Variants in XPO7 observed in about 807,000 individuals in gnomAD.
XPO7 encodes exportin 7.
Under a neutral mutation model 144.3 loss-of-function variants are expected in XPO7, and 21 were observed. That is an observed-to-expected ratio of 0.15 (90% CI 0.10 to 0.21). The LOEUF is 0.21. Among genes scored for constraint, XPO7 ranks in the 10% least tolerant of loss-of-function variants. The probability of loss-of-function intolerance (pLI) is 1.00; values close to 1 mark genes in which losing one functional copy is unlikely to be tolerated. For missense variants in XPO7, 808 were observed against 1,325.8 expected, an observed-to-expected ratio of 0.61 and a Z score of 6.06; for synonymous variants, 580 against 499.6, an observed-to-expected ratio of 1.16 and a Z score of -2.15.
chr8:21,995,514 C>T lies in XPO7; in HGVS notation c.2260C>T (p.Leu754Phe), dbSNP rs1812916779. 1.9e-6 allele frequency: 3 copies of T among 1,609,256 alleles called. No homozygotes were observed. The highest frequency in any genetic ancestry group is 2.5e-6 in the Non-Finnish European group (3 of 1,177,602). The part of the protein sequence containing the change: ...EWIYPSYMPI[L>F]QRAIELWYHD... ...CAGATATCCATCCTATATGCCAATT[C>T]TCCAACGGGCAATTGAGCTCTGGTA... The change falls in exon 21 of 28, where the codon CTC (leucine) becomes TTC (phenylalanine). Residue 754 changes from leucine to phenylalanine, a missense_variant. This residue lies in a region of XPO7 where 416 missense variants were observed against 612.5 expected (regional missense o/e 0.68). Transcript: ENST00000252512.
rs1812227220 is a variant in XPO7 at position 21,976,463 on chromosome 8, C to T, written c.705C>T (p.Ser235=). The change falls in exon 7 of 28, where the codon TCC becomes TCT. Residue 235 remains serine (S), a synonymous_variant. Coordinates refer to ENST00000252512, the MANE Select transcript of XPO7 (RefSeq NM_015024.5). ...TCAACTTTGACTTCATCGGCACTTCCACTGATGAGTCCTCAGACGACCTGT... is the reference window on the plus strand; with the variant it reads ...TCAACTTTGACTTCATCGGCACTTCTACTGATGAGTCCTCAGACGACCTGT... The part of the protein sequence containing the change: ...NCLNFDFIGT[S]TDESSDDLCT... 6.2e-7 allele frequency: 1 copy of T among 1,613,996 alleles called. No homozygotes were observed. Among genetic ancestry groups the T allele is most frequent in the Non-Finnish European group, 8.5e-7 (1 of 1,179,872 alleles).
intron 16 of XPO7, 70 bp downstream of exon 16, chr8:21,989,153 C>T (rs1812676761): frequency 7.2e-7 from 1 of 1,380,412 alleles, no homozygotes; most frequent in Non-Finnish European, 1.0e-6. Flanking sequence ...ATCATGGCCT[C>T]CTGCTCTTTC....
chr8:21,961,181 G>C (rs1244387852), intron 1 of XPO7, among the ~76,000 whole-genome samples: 1 of 151,218 alleles, frequency 6.6e-6, no homozygotes, highest in African/African-American at 2.4e-5. Context: ...GTATCTAGGA[G>C]TGGAATAGCT....
At chr8:21,946,412 A>C (rs181754953) in intron 1 of XPO7, among the ~76,000 whole-genome samples, 36 of 152,074 alleles carry the variant, frequency 2.4e-4, no homozygotes, top group African/African-American at 8.2e-4. Flanking sequence ...ATAGATTAGC[A>C]TATTAGATAG....
intron 19 of XPO7, among the ~76,000 whole-genome samples, chr8:21,993,960 AC>A (rs919344549): frequency 1.3e-4 from 6 of 47,002 alleles, no homozygotes; most frequent in African/African-American, 5.0e-4. Flanking sequence ...TCCGCCCCCC[AC>A]CCTCTCTCCC....
chr8:21,965,695 T>G (rs4636204), intron 1 of XPO7, among the ~76,000 whole-genome samples: 55,673 of 152,046 alleles, frequency 0.37, 10,656 homozygotes, highest in East Asian at 0.44. Context: ...GAGTAAAATA[T>G]GAATCCTGCC....
rs967969576 is a variant in XPO7 at position 21,959,499 on chromosome 8, C to T, written c.19-7358C>T. Reference sequence around the variant, plus strand: ...TTTGTCTGCCACCTAAAATCTTACCCATTACTCTGTACTGAATCAACTCCA... The same window carrying T: ...TTTGTCTGCCACCTAAAATCTTACCTATTACTCTGTACTGAATCAACTCCA... On this transcript the variant is annotated intron_variant, in intron 1 of 27. Transcript: ENST00000252512. 2.6e-5 allele frequency among the ~76,000 whole-genome samples: 4 copies of T among 152,150 alleles called. No individual in the cohort carries two copies. In the East Asian group the frequency reaches 7.7e-4, roughly 29 times the overall value.
chr8:21,994,510 T>A, intron 20 of XPO7, 59 bp downstream of exon 20: 1 of 1,495,328 alleles, frequency 6.7e-7, no homozygotes, highest in Non-Finnish European at 9.2e-7. Flanking sequence ...TGTGATTGGG[T>A]GATAGGGTCC....
chr8:21,967,118 C>T (rs1352291667), intron 2 of XPO7, 115 bp downstream of exon 2: 3 of 1,380,744 alleles, frequency 2.2e-6, no homozygotes, highest in Non-Finnish European at 2.9e-6. Context: ...CTAGGTGTCC[C>T]TGACTTATTT....
At chr8:21,970,998 C>G (rs1812042399) in intron 4 of XPO7, among the ~76,000 whole-genome samples, 1 of 152,142 alleles carries the variant, frequency 6.6e-6, no homozygotes, top group East Asian at 1.9e-4. Context: ...CCTGTAAACT[C>G]CATTCATGGT....
intron 13 of XPO7, 126 bp downstream of exon 13, chr8:21,985,817 G>A (rs1812561035): frequency 5.3e-6 from 4 of 756,712 alleles, no homozygotes; most frequent in Non-Finnish European, 2.2e-6. Context: ...CAGCTTTCAA[G>A]GCTTTTGTAA....
In XPO7 at chr8:22,005,720, A is replaced by G. The variant is rs1813307933; in HGVS notation, c.*632A>G. On this transcript the variant is annotated 3_prime_UTR_variant, in exon 28 of 28. Coordinates refer to ENST00000252512, the MANE Select transcript of XPO7 (RefSeq NM_015024.5). ...AATGATCAATTCCTGTTACTGTATT[A>G]ACCCTTGTTATTAGGAACTCTAAGC... 2 of 152,172 alleles carry G rather than the reference A, an allele frequency of 1.3e-5. No homozygotes were observed. Among genetic ancestry groups the G allele is most frequent in the African/African-American group, 4.8e-5 (2 of 41,428 alleles). The allele number at this position is 152,172 out of a possible 1,614,324, so 9.4% of individuals were successfully genotyped here.
At chr8:21,932,696 T>C (rs1360574091) in intron 1 of XPO7, among the ~76,000 whole-genome samples, 1 of 152,240 alleles carries the variant, frequency 6.6e-6, no homozygotes, top group African/African-American at 2.4e-5. Flanking sequence ...TCTCTTCTTT[T>C]ATTATTTCTA....
chr8:21,930,085 A>G (rs546546665), intron 1 of XPO7, among the ~76,000 whole-genome samples: 6 of 152,386 alleles, frequency 3.9e-5, no homozygotes, highest in East Asian at 1.9e-4. Context: ...AGAGGCACCC[A>G]GAAGGATATG....
chr8:21,993,386 C>A (rs1812831763), intron 19 of XPO7, among the ~76,000 whole-genome samples: 3 of 152,154 alleles, frequency 2.0e-5, no homozygotes, highest in Non-Finnish European at 4.4e-5. Context: ...TAGGAGAGAA[C>A]TGTTTGCTTA....
intron 1 of XPO7, among the ~76,000 whole-genome samples, chr8:21,939,144 A>G (rs1810911457): frequency 6.6e-6 from 1 of 151,976 alleles, no homozygotes; most frequent in Non-Finnish European, 1.5e-5. Context: ...TATTCTTTCT[A>G]AAAAATAGGT....
chr8:21,990,422 CT>C lies in XPO7; in HGVS notation c.1932+22del. The C allele has an allele frequency of 1.9e-6, 3 of 1,613,082 alleles. No individual in the cohort carries two copies. The highest frequency in any genetic ancestry group is 8.5e-7 in the Non-Finnish European group (1 of 1,179,212). Reference sequence around the variant, plus strand: ...ACAATCACACGGTGAGTGATTTTAGCTTTTTTTCCTGGCCCTCCTACCACCC... The same window carrying C: ...ACAATCACACGGTGAGTGATTTTAGCTTTTTTCCTGGCCCTCCTACCACCC... On this transcript the variant is annotated intron_variant, in intron 17 of 27. Transcript: ENST00000252512.
In XPO7 at chr8:21,996,060, G is replaced by A. The variant is rs530720966; in HGVS notation, c.2345+461G>A. Among the ~76,000 whole-genome samples, 7 of 152,186 alleles carry A rather than the reference G, an allele frequency of 4.6e-5. No individual in the cohort carries two copies. In the South Asian group the frequency reaches 1.2e-3, roughly 27 times the overall value. On this transcript the variant is annotated intron_variant, in intron 21 of 27. Transcript: ENST00000252512. The stretch of plus-strand genomic sequence containing the variant: ...TCGATCTCCTGACCTCGTGATCCGC[G>A]TGCCTCGGCCTCCCAAAGTGCTGGG...
Position 21,995,072 on chromosome 8 carries a change from A to G in XPO7, c.2238-420A>G, listed in dbSNP as rs1204661347. ...CCATCTCAAAAAAAAATAAATAATA[A>G]TAATAATAATAATAAACAGCTTTTA... On this transcript the variant is annotated intron_variant, in intron 20 of 27. Transcript: ENST00000252512. 2.6e-5 allele frequency among the ~76,000 whole-genome samples: 4 copies of G among 151,676 alleles called. No homozygotes were observed. The East Asian group carries it at 5.8e-4, about 22-fold the overall frequency.
Sources: gnomAD v4.1 joint callset for allele counts (sites outside exome capture counted in the v4.1 genomes callset) on GRCh38, gnomAD v4.1.1 for gene constraint, gnomAD v4.1.1 regional missense constraint, MANE v1.5 for transcripts, NCBI Gene and HGNC (gene_info 2026-07-23, HGNC 2026-07-21) for gene names.